The following ATRNL1 variants were observed in gnomAD, a reference collection of about 807,000 sequenced individuals.
ATRNL1 encodes attractin-like protein 1.
Under a neutral mutation model 182.7 loss-of-function variants are expected in ATRNL1, and 95 were observed. That is an observed-to-expected ratio of 0.52 (90% confidence interval 0.44 to 0.62). The LOEUF is 0.62. ATRNL1 is among the 20% of genes least tolerant of loss of function. The pLI is 0.00. For missense variants in ATRNL1, 1,471 were observed against 1,679.5 expected, an observed-to-expected ratio of 0.88 and a Z score of 2.17; for synonymous variants, 576 against 568.3, an observed-to-expected ratio of 1.01 and a Z score of -0.19.
intron 26 of ATRNL1, among the ~76,000 whole-genome samples, chr10:115,595,426 T>C (rs990219180): frequency 3.3e-5 from 5 of 152,200 alleles, no homozygotes; most frequent in African/African-American, 1.2e-4. Context: ...CTAGTGAAAA[T>C]AGTTATTAAA....
chr10:115,312,144 C>T (rs1183880741), intron 17 of ATRNL1, among the ~76,000 whole-genome samples: 1 of 152,034 alleles, frequency 6.6e-6, no homozygotes, highest in Non-Finnish European at 1.5e-5. Flanking sequence ...TTCTAGTCAT[C>T]ATGTTGATTG....
Position 115,764,461 on chromosome 10 carries a change from A to G in ATRNL1, c.3903+37106A>G, listed in dbSNP as rs1467760469. On this transcript the variant is annotated intron_variant, in intron 27 of 28. Coordinates refer to ENST00000355044, the MANE Select transcript of ATRNL1 (RefSeq NM_207303.4). ...CCTAAAAATTCTCTGTACTCTGCCTATGCGTCCCCACACCCACTCCTGCTC... is the reference window on the plus strand; with the variant it reads ...CCTAAAAATTCTCTGTACTCTGCCTGTGCGTCCCCACACCCACTCCTGCTC... 3.9e-5 allele frequency among the ~76,000 whole-genome samples: 6 copies of G among 152,094 alleles called. No homozygotes were observed. In the South Asian group the frequency reaches 8.3e-4, roughly 21 times the overall value.
At chr10:115,534,487 C>T (rs1851830182) in intron 25 of ATRNL1, among the ~76,000 whole-genome samples, 1 of 152,270 alleles carries the variant, frequency 6.6e-6, no homozygotes, top group Non-Finnish European at 1.5e-5. Flanking sequence ...TCATTTTGAG[C>T]TTATGTGTGT....
chr10:115,767,699 T>A (rs1948891406), intron 27 of ATRNL1, among the ~76,000 whole-genome samples: 1 of 152,202 alleles, frequency 6.6e-6, no homozygotes, highest in Admixed American at 6.5e-5. Context: ...TCAAGACGTC[T>A]ATCATCCCTA....
In ATRNL1 at chr10:115,736,807, G is replaced by A. The variant is rs377696014; in HGVS notation, c.3903+9452G>A. On this transcript the variant is annotated intron_variant, in intron 27 of 28. Coordinates refer to ENST00000355044, the MANE Select transcript of ATRNL1 (RefSeq NM_207303.4). ...TTTTGAGACGGCGTCTTGCTCTGTC[G>A]CCCAGGCTGGAGTGCAGTGGCATGA... Among the ~76,000 whole-genome samples the A allele has an allele frequency of 2.0e-3, 305 of 151,940 alleles. 2 individuals are homozygous for A. Among genetic ancestry groups the A allele is most frequent in the African/African-American group, 6.8e-3 (283 of 41,438 alleles).
At chr10:115,348,526 A>G (rs1856082803) in intron 19 of ATRNL1, among the ~76,000 whole-genome samples, 1 of 152,138 alleles carries the variant, frequency 6.6e-6, no homozygotes, top group African/African-American at 2.4e-5. Flanking sequence ...ATTATTTCCA[A>G]TCTGACTTAT....
intron 19 of ATRNL1, among the ~76,000 whole-genome samples, chr10:115,366,489 C>G (rs1175729588): frequency 6.6e-6 from 1 of 152,048 alleles, no homozygotes; most frequent in Non-Finnish European, 1.5e-5. Context: ...CAGTCTGTGT[C>G]TTTTAATTGG....
intron 26 of ATRNL1, among the ~76,000 whole-genome samples, chr10:115,700,985 T>G (rs1301088593): frequency 6.6e-6 from 1 of 152,046 alleles, no homozygotes; most frequent in Non-Finnish European, 1.5e-5. Context: ...AAACTACACC[T>G]GTTAACCACA....
At chr10:115,580,598 T>C (rs933808486) in intron 26 of ATRNL1, among the ~76,000 whole-genome samples, 1 of 152,218 alleles carries the variant, frequency 6.6e-6, no homozygotes, top group Non-Finnish European at 1.5e-5. Flanking sequence ...TTGATGTACC[T>C]GAGGTTTGCT....
At chr10:115,206,089 A>G (rs1425909255) in intron 8 of ATRNL1, among the ~76,000 whole-genome samples, 5 of 152,070 alleles carry the variant, frequency 3.3e-5, no homozygotes, top group African/African-American at 1.2e-4. Context: ...TTTCTGTTGC[A>G]TATAGAATCC....
At chr10:115,669,152 G>A (rs1555040637) in intron 26 of ATRNL1, among the ~76,000 whole-genome samples, 3 of 152,010 alleles carry the variant, frequency 2.0e-5, no homozygotes, top group African/African-American at 7.2e-5. Context: ...CAAATTTAAA[G>A]TGGTCCACTA....
At chr10:115,724,383 C>T (rs1343386024) in intron 26 of ATRNL1, among the ~76,000 whole-genome samples, 3 of 151,868 alleles carry the variant, frequency 2.0e-5, no homozygotes, top group Non-Finnish European at 2.9e-5. Context: ...GAAAATGGGC[C>T]TGTGGTAATT....
intron 23 of ATRNL1, among the ~76,000 whole-genome samples, chr10:115,467,795 G>A (rs950896072): frequency 4.0e-5 from 6 of 150,486 alleles, no homozygotes; most frequent in Non-Finnish European, 3.0e-5. Flanking sequence ...GACTTAAAAA[G>A]TATATCTGAG....
intron 8 of ATRNL1, among the ~76,000 whole-genome samples, chr10:115,207,236 T>C (rs1426928802): frequency 6.6e-6 from 1 of 152,186 alleles, no homozygotes; most frequent in African/African-American, 2.4e-5. Flanking sequence ...ATGGTATTTC[T>C]AGTTCTAGAT....
At chr10:115,910,504 C>T (rs1952642756) in intron 28 of ATRNL1, among the ~76,000 whole-genome samples, 1 of 152,160 alleles carries the variant, frequency 6.6e-6, no homozygotes, top group Non-Finnish European at 1.5e-5. Flanking sequence ...ACATGCTCAT[C>T]AGGCAGTCCG....
At chr10:115,422,778 A>G (rs1340779057) in intron 20 of ATRNL1, among the ~76,000 whole-genome samples, 1 of 152,230 alleles carries the variant, frequency 6.6e-6, no homozygotes, top group Non-Finnish European at 1.5e-5. Flanking sequence ...GAGAAAACCA[A>G]GTACTACATG....
intron 27 of ATRNL1, among the ~76,000 whole-genome samples, chr10:115,782,413 A>G (rs1463206608): frequency 6.6e-6 from 1 of 152,212 alleles, no homozygotes; most frequent in Non-Finnish European, 1.5e-5. Context: ...TGTTTCTGTT[A>G]AATAATTATG....
At chr10:115,457,699 G>A (rs914401824) in intron 21 of ATRNL1, among the ~76,000 whole-genome samples, 4 of 151,830 alleles carry the variant, frequency 2.6e-5, no homozygotes, top group East Asian at 1.9e-4. Flanking sequence ...AAATGATCCC[G>A]CCACCACATG....
chr10:115,834,797 T>G (rs1950632914), intron 27 of ATRNL1, among the ~76,000 whole-genome samples: 1 of 152,198 alleles, frequency 6.6e-6, no homozygotes, highest in Admixed American at 6.5e-5. Context: ...GCTGTGTATT[T>G]TCTTGCCTTA....
Sources: allele counts gnomAD v4.1 joint callset (sites outside exome capture counted in the v4.1 genomes callset), GRCh38; gene constraint gnomAD v4.1.1; transcripts MANE v1.5; gene names NCBI Gene and HGNC (gene_info 2026-07-23, HGNC 2026-07-21).